The following SYNDIG1 variants were observed in gnomAD, a reference collection of about 807,000 sequenced individuals.
SYNDIG1 encodes synapse differentiation-inducing gene protein 1.
A neutral mutation model predicts 19.4 loss-of-function variants in SYNDIG1; 9 were observed. The ratio of observed to expected loss-of-function variants is 0.46; its 90% CI spans 0.28 to 0.81. The LOEUF is 0.81. Ranked by LOEUF, SYNDIG1 falls within the 30% of genes least tolerant of loss-of-function variation. The pLI, the probability that SYNDIG1 is intolerant of heterozygous loss-of-function variation, is 0.12. For synonymous variants in SYNDIG1, 141 were observed against 145.9 expected (o/e 0.97, Z 0.24); for missense variants, 311 against 343.3 (o/e 0.91, Z 0.74).
Position 24,516,070 on chromosome 20 carries a change from C to G in SYNDIG1, c.-78-26950C>G, listed in dbSNP as rs1265095433. The stretch of plus-strand genomic sequence containing the variant: ...ACCATCTGATCTTTGACAAACCTGA[C>G]AAAAACAAGAAATGGGGAAAGGATT... On this transcript the variant is annotated intron_variant, in intron 1 of 3. Transcript: ENST00000376862. 3.3e-5 allele frequency among the ~76,000 whole-genome samples: 5 copies of G among 152,104 alleles called. No homozygotes were observed. In the East Asian group the frequency reaches 5.8e-4, roughly 18 times the overall value.
rs960506011 is a variant in SYNDIG1 at position 24,552,326 on chromosome 20, C to T, written c.480+8749C>T. Among the ~76,000 whole-genome samples the T allele has an allele frequency of 2.0e-5, 3 of 152,064 alleles. No individual in the cohort carries two copies. In the East Asian group the frequency reaches 5.8e-4, roughly 29 times the overall value. On this transcript the variant is annotated intron_variant, in intron 2 of 3. Coordinates refer to ENST00000376862, the MANE Select transcript of SYNDIG1 (RefSeq NM_024893.3). ...GCTTTTTTAAAAAATTATTATTATACTTTAAGTTTTAGGGTACATGTGCAC... is the reference window on the plus strand; with the variant it reads ...GCTTTTTTAAAAAATTATTATTATATTTTAAGTTTTAGGGTACATGTGCAC...
intron 2 of SYNDIG1, among the ~76,000 whole-genome samples, chr20:24,544,332 C>A (rs1399583410): frequency 6.6e-6 from 1 of 152,184 alleles, no homozygotes; most frequent in African/African-American, 2.4e-5. Flanking sequence ...AGTCATTCCA[C>A]TGCAGTGAGG....
chr20:24,560,729 G>A (rs1480486144), intron 2 of SYNDIG1, among the ~76,000 whole-genome samples: 1 of 140,088 alleles, frequency 7.1e-6, no homozygotes, highest in African/African-American at 2.6e-5. Flanking sequence ...CTAGGTATGG[G>A]TCATGCTTTC....
intron 3 of SYNDIG1, among the ~76,000 whole-genome samples, chr20:24,585,346 G>A (rs2058400140): frequency 6.6e-6 from 1 of 152,206 alleles, no homozygotes; most frequent in Admixed American, 6.5e-5. Flanking sequence ...TGACCCCAGT[G>A]CCGGGAAACA....
At chr20:24,626,883 G>C (rs1044893686) in intron 3 of SYNDIG1, among the ~76,000 whole-genome samples, 15 of 152,234 alleles carry the variant, frequency 9.9e-5, no homozygotes, top group Non-Finnish European at 1.8e-4. Flanking sequence ...AGACCAGCCC[G>C]GCCATCACAG....
rs2059645369 is a variant in SYNDIG1 at position 24,666,169 on chromosome 20, A to G, written c.*665A>G. 6.6e-6 allele frequency: 1 copy of G among 152,604 alleles called. No homozygotes were observed. Among genetic ancestry groups the G allele is most frequent in the Non-Finnish European group, 1.5e-5 (1 of 68,164 alleles). 9.5% of individuals were successfully genotyped at this position (152,604 alleles called of 1,614,324 possible). A position where few individuals can be genotyped will look rare whatever the true frequency, so the allele number is the denominator to read the frequency against. On this transcript the variant is annotated 3_prime_UTR_variant, in exon 4 of 4. Coordinates refer to ENST00000376862, the MANE Select transcript of SYNDIG1 (RefSeq NM_024893.3). ...CACCTCCGGAACGTGTCTACACTCC[A>G]CAGCTACCCCGCAGCAATACGCACT...
chr20:24,511,295 T>C (rs2056737193), intron 1 of SYNDIG1, among the ~76,000 whole-genome samples: 1 of 152,190 alleles, frequency 6.6e-6, no homozygotes, highest in Admixed American at 6.5e-5. Context: ...ATCACTGACA[T>C]GTCACCACTT....
At chr20:24,613,452 A>C (rs1403334725) in intron 3 of SYNDIG1, among the ~76,000 whole-genome samples, 1 of 152,102 alleles carries the variant, frequency 6.6e-6, no homozygotes, top group Non-Finnish European at 1.5e-5. Flanking sequence ...CATGACACAG[A>C]CCTGCCCATG....
intron 1 of SYNDIG1, among the ~76,000 whole-genome samples, chr20:24,531,720 C>T (rs1387561240): frequency 2.6e-5 from 4 of 152,096 alleles, no homozygotes; most frequent in Non-Finnish European, 5.9e-5. Context: ...ATGCATAATT[C>T]CCCCTGGAGC....
chr20:24,603,819 C>A (rs377297717), intron 3 of SYNDIG1, among the ~76,000 whole-genome samples: 75 of 152,306 alleles, frequency 4.9e-4, no homozygotes, highest in African/African-American at 1.7e-3. Context: ...ACTGTGGGGT[C>A]ACAGTGGATA....
intron 2 of SYNDIG1, among the ~76,000 whole-genome samples, chr20:24,574,722 T>C (rs1320801452): frequency 1.3e-5 from 2 of 152,144 alleles, no homozygotes; most frequent in African/African-American, 4.8e-5. Context: ...TCCTCTAATA[T>C]AATGATATGT....
In SYNDIG1 at chr20:24,490,548, T is replaced by A. The variant is rs983502125; in HGVS notation, c.-79+20795T>A. Among the ~76,000 whole-genome samples the A allele has an allele frequency of 3.9e-5, 6 of 152,116 alleles. No individual in the cohort carries two copies. In the East Asian group the frequency reaches 1.2e-3, roughly 29 times the overall value. Reference sequence around the variant, plus strand: ...TGGCTCGCCCCTAGCCCTTGGGAGATCATTCAACCTCTCTGTGCCTCGGTT... The same window carrying A: ...TGGCTCGCCCCTAGCCCTTGGGAGAACATTCAACCTCTCTGTGCCTCGGTT... On this transcript the variant is annotated intron_variant, in intron 1 of 3. Coordinates refer to ENST00000376862, the MANE Select transcript of SYNDIG1 (RefSeq NM_024893.3).
At chr20:24,507,090 G>A (rs2056611881) in intron 1 of SYNDIG1, among the ~76,000 whole-genome samples, 1 of 152,188 alleles carries the variant, frequency 6.6e-6, no homozygotes, top group African/African-American at 2.4e-5. Flanking sequence ...AGCTTTTAGG[G>A]AGGCTGGCCA....
At chr20:24,523,839 A>G (rs1259298808) in intron 1 of SYNDIG1, among the ~76,000 whole-genome samples, 3 of 152,188 alleles carry the variant, frequency 2.0e-5, no homozygotes, top group African/African-American at 7.2e-5. Context: ...TCTTGCTCAC[A>G]AAGATGGTCT....
intron 3 of SYNDIG1, among the ~76,000 whole-genome samples, chr20:24,637,070 C>A (rs2059323495): frequency 6.6e-6 from 1 of 152,246 alleles, no homozygotes. Flanking sequence ...CAGTTCCCTG[C>A]AGCCACGGGC....
At chr20:24,582,854 C>G (rs2058353267) in intron 2 of SYNDIG1, among the ~76,000 whole-genome samples, 1 of 152,222 alleles carries the variant, frequency 6.6e-6, no homozygotes, top group Non-Finnish European at 1.5e-5. Context: ...GAGGCAGCGA[C>G]TCCTTGACCT....
At chr20:24,498,385 A>G (rs1287774602) in intron 1 of SYNDIG1, among the ~76,000 whole-genome samples, 1 of 152,234 alleles carries the variant, frequency 6.6e-6, no homozygotes, top group Non-Finnish European at 1.5e-5. Context: ...TTATAAGTGT[A>G]TATTAAAATT....
At chr20:24,635,082 G>C (rs2147317781) in intron 3 of SYNDIG1, among the ~76,000 whole-genome samples, 1 of 152,320 alleles carries the variant, frequency 6.6e-6, no homozygotes, top group South Asian at 2.1e-4. Context: ...GACAGCACGG[G>C]CTTCTGCCCA....
intron 1 of SYNDIG1, among the ~76,000 whole-genome samples, chr20:24,527,823 C>T (rs1040772022): frequency 6.6e-6 from 1 of 152,158 alleles, no homozygotes; most frequent in African/African-American, 2.4e-5. Context: ...TATCCCTTTC[C>T]ACCCTGAGTA....
Sources: allele counts gnomAD v4.1 joint callset (sites outside exome capture counted in the v4.1 genomes callset), GRCh38; gene constraint gnomAD v4.1.1; transcripts MANE v1.5; gene names NCBI Gene and HGNC (gene_info 2026-07-23, HGNC 2026-07-21).